EZR: variants seen among roughly 807,000 people sequenced by gnomAD.
The protein encoded by EZR is cytovillin 2.
EZR carries 40 observed loss-of-function variants against 74.8 expected under a neutral mutation model. The ratio of observed to expected loss-of-function variants is 0.53; its 90% CI spans 0.42 to 0.70. The LOEUF (loss-of-function observed/expected upper bound fraction) is 0.70, where lower values mean the gene tolerates loss of function less well. Ranked by LOEUF, EZR falls within the 30% of genes least tolerant of loss-of-function variation. The pLI, the probability that EZR is intolerant of heterozygous loss-of-function variation, is 0.00. For missense variants in EZR, 678 were observed against 755.8 expected (o/e 0.90, Z 1.21); for synonymous variants, 341 against 283.3 (o/e 1.20, Z -2.05).
chr6:158,771,226 C>G lies in EZR; in HGVS notation c.959+18G>C. On this transcript the variant is annotated intron_variant, in intron 9 of 13. Coordinates refer to ENST00000367075, the MANE Select transcript of EZR (RefSeq NM_001111077.2). ...TGGGAGAACACAGGCCCCCCCCACTCTGGCCTCACGCGCTCACCGCTCCAG... is the reference window on the plus strand; with the variant it reads ...TGGGAGAACACAGGCCCCCCCCACTGTGGCCTCACGCGCTCACCGCTCCAG... The G allele has an allele frequency of 6.3e-7, 1 of 1,596,108 alleles. No individual in the cohort carries two copies. The highest frequency in any genetic ancestry group is 2.2e-5 in the East Asian group (1 of 44,784).
chr6:158,801,315 A>G lies in EZR; in HGVS notation c.13-11944T>C, dbSNP rs1220032828. On this transcript the variant is annotated intron_variant, in intron 2 of 13. Coordinates refer to ENST00000367075, the MANE Select transcript of EZR (RefSeq NM_001111077.2). ...TTTTTGGTAGAGACGGGGTTTCACC[A>G]TGTTGCCAGCCAGGCTGGTCTTGAA... 2.6e-5 allele frequency among the ~76,000 whole-genome samples: 4 copies of G among 152,258 alleles called. No individual in the cohort carries two copies. In the East Asian group the frequency reaches 7.7e-4, roughly 29 times the overall value.
Position 158,806,805 on chromosome 6 carries a change from A to G in EZR, c.12+11277T>C, listed in dbSNP as rs1411471473. ...ACCATTATCTGTCTAAATCCATTTA[A>G]GAGTCTCACCCAAACAGCAATGGAT... On this transcript the variant is annotated intron_variant, in intron 2 of 13. Coordinates refer to ENST00000367075, the MANE Select transcript of EZR (RefSeq NM_001111077.2). Among the ~76,000 whole-genome samples, 3 of 152,342 alleles carry G rather than the reference A, an allele frequency of 2.0e-5. No homozygotes were observed. In the East Asian group the frequency reaches 5.8e-4, roughly 29 times the overall value.
chr6:158,798,194 T>C (rs921160281), intron 2 of EZR, among the ~76,000 whole-genome samples: 2 of 127,634 alleles, frequency 1.6e-5, no homozygotes, highest in South Asian at 5.1e-4. Flanking sequence ...AATATTCCAT[T>C]GTGTGGCTGT....
chr6:158,772,454 G>C (rs1361817430), intron 8 of EZR, among the ~76,000 whole-genome samples: 2 of 152,248 alleles, frequency 1.3e-5, no homozygotes, highest in African/African-American at 4.8e-5. Flanking sequence ...TATCGGTGAC[G>C]TTCAGGAGGT....
chr6:158,775,253 C>T (rs553048331), intron 8 of EZR, among the ~76,000 whole-genome samples: 3 of 152,120 alleles, frequency 2.0e-5, no homozygotes, highest in East Asian at 1.9e-4. Context: ...AGGCTGGTCT[C>T]GAACTCCTGA....
At chr6:158,804,036 T>TAG (rs1248711282) in intron 2 of EZR, among the ~76,000 whole-genome samples, 1 of 152,124 alleles carries the variant, frequency 6.6e-6, no homozygotes, top group African/African-American at 2.4e-5. Context: ...GACAATGAAA[T>TAG]GACTGCTAGT....
At chr6:158,774,811 T>C (rs894575071) in intron 8 of EZR, among the ~76,000 whole-genome samples, 5 of 151,858 alleles carry the variant, frequency 3.3e-5, no homozygotes, top group Non-Finnish European at 7.4e-5. Flanking sequence ...GAGTACGTAG[T>C]AGCCTACTGA....
intron 2 of EZR, among the ~76,000 whole-genome samples, chr6:158,810,930 A>G (rs1156277383): frequency 1.3e-5 from 2 of 152,222 alleles, no homozygotes; most frequent in African/African-American, 4.8e-5. Context: ...ATTTAGGTTC[A>G]CAGATGCTAA....
chr6:158,814,284 C>A (rs1777506263), intron 2 of EZR, among the ~76,000 whole-genome samples: 1 of 152,112 alleles, frequency 6.6e-6, no homozygotes, highest in African/African-American at 2.4e-5. Context: ...CCGCGTGCGC[C>A]CCCCAGCCCT....
intron 2 of EZR, among the ~76,000 whole-genome samples, chr6:158,798,255 C>T (rs1369643543): frequency 2.0e-5 from 3 of 148,674 alleles, no homozygotes. Flanking sequence ...CTCCTTGTTG[C>T]TTTTAGCAAT....
chr6:158,798,634 T>G (rs1441011710), intron 2 of EZR, among the ~76,000 whole-genome samples: 8 of 150,278 alleles, frequency 5.3e-5, no homozygotes, highest in Non-Finnish European at 7.4e-5. Flanking sequence ...TTTTTTTTTT[T>G]TTTTTTTTTT....
chr6:158,795,666 A>G (rs1402044831), intron 2 of EZR, among the ~76,000 whole-genome samples: 1 of 152,170 alleles, frequency 6.6e-6, no homozygotes. Context: ...CCTATCCCCG[A>G]GTGGCTTACA....
Position 158,767,462 on chromosome 6 carries a change from C to G in EZR, c.1395G>C (p.Leu465=), listed in dbSNP as rs778727773. 9.9e-6 allele frequency: 16 copies of G among 1,611,536 alleles called. No homozygotes were observed. The highest frequency in any genetic ancestry group is 1.6e-4 in the Middle Eastern group (1 of 6,076). The change falls in exon 13 of 14, where the codon CTG becomes CTC. Residue 465 remains leucine (L), a synonymous_variant. Transcript: ENST00000367075. The part of the protein sequence containing the change: ...DLVKTKEELH[L]VMTAPPPPPP... ...GTGGGGGCGGGGGTGCTGTCATCAC[C>G]AGGTGCAGCTCCTCCTTGGTCTTCA...
chr6:158,817,850 G>A (rs1001831962), intron 2 of EZR, among the ~76,000 whole-genome samples: 1 of 152,012 alleles, frequency 6.6e-6, no homozygotes, highest in African/African-American at 2.4e-5. Flanking sequence ...CTGGGGAGGG[G>A]GCTCACAAAG....
At chr6:158,770,731 C>A (rs552845390) in intron 10 of EZR, 33 bp downstream of exon 10, 1 of 1,613,696 alleles carries the variant, frequency 6.2e-7, no homozygotes, top group East Asian at 2.2e-5. Context: ...AATGCATGAC[C>A]CAGTGTAGAG....
chr6:158,780,549 G>C (rs1397185098), intron 7 of EZR, among the ~76,000 whole-genome samples: 1 of 152,188 alleles, frequency 6.6e-6, no homozygotes, highest in Non-Finnish European at 1.5e-5. Flanking sequence ...GACATGTTCT[G>C]TGGCTCCTGT....
rs1210380775 is a variant in EZR at position 158,769,537 on chromosome 6, A to AC, written c.1252-120dup. On this transcript the variant is annotated intron_variant, in intron 11 of 13. Transcript: ENST00000367075. Reference sequence around the variant, plus strand: ...CCAACGTGACACCTGAGTCCCCGCCACCCCCACTCCATGGCCAGCAGGGTC... The same window carrying AC: ...CCAACGTGACACCTGAGTCCCCGCCACCCCCCACTCCATGGCCAGCAGGGTC... 1.0e-5 allele frequency: 11 copies of AC among 1,081,662 alleles called. No individual in the cohort carries two copies. In the East Asian group the frequency reaches 2.7e-4, roughly 27 times the overall value. 67.0% of individuals were successfully genotyped at this position (1,081,662 alleles called of 1,614,324 possible).
intron 2 of EZR, among the ~76,000 whole-genome samples, chr6:158,801,456 A>T (rs1474534414): frequency 2.6e-5 from 4 of 152,246 alleles, no homozygotes; most frequent in Admixed American, 6.5e-5. Context: ...CCAGCCATCT[A>T]TCTAAGCTCC....
chr6:158,816,895 G>C (rs551269492), intron 2 of EZR, among the ~76,000 whole-genome samples: 2 of 152,244 alleles, frequency 1.3e-5, no homozygotes, highest in South Asian at 4.2e-4. Context: ...AGACCAGCCT[G>C]GCCAACATGG....
Sources: gnomAD v4.1 joint callset for allele counts (sites outside exome capture counted in the v4.1 genomes callset) on GRCh38, gnomAD v4.1.1 for gene constraint, MANE v1.5 for transcripts, NCBI Gene and HGNC (gene_info 2026-07-23, HGNC 2026-07-21) for gene names.